SFMBT2: variants seen among roughly 807,000 people sequenced by gnomAD.
SFMBT2 encodes scm-like with four MBT domains protein 2.
SFMBT2 carries 38 observed loss-of-function variants against 110.1 expected under a neutral mutation model. The observed-to-expected ratio is 0.35, with a 90% CI of 0.27 to 0.45. The LOEUF (loss-of-function observed/expected upper bound fraction) is 0.45. SFMBT2 is among the 20% of genes least tolerant of loss of function. The pLI is 1.00. For missense variants in SFMBT2, 1,011 were observed against 1,094.9 expected (o/e 0.92, Z 1.08); for synonymous variants, 425 against 425.4 (o/e 1.00, Z 0.01).
chr10:7,200,489 C>T lies in SFMBT2; in HGVS notation c.1488-5G>A, dbSNP rs1838918229. On this transcript the variant is annotated splice_region_variant and splice_polypyrimidine_tract_variant and intron_variant, in intron 13 of 20. Coordinates refer to ENST00000397167, the MANE Select transcript of SFMBT2 (RefSeq NM_001387889.1). ...ACAGGCACTGTGGGCGGCAATCTGT[C>T]AACAGAGAAAATAAAACTATCAGGG... The T allele has an allele frequency of 1.3e-6, 2 of 1,594,470 alleles. No individual in the cohort carries two copies. The highest frequency in any genetic ancestry group is 1.7e-6 in the Non-Finnish European group (2 of 1,170,382).
At chr10:7,195,416 A>C (rs559292136) in intron 15 of SFMBT2, among the ~76,000 whole-genome samples, 309 of 152,260 alleles carry the variant, frequency 2.0e-3, no homozygotes, top group African/African-American at 7.2e-3. Flanking sequence ...TATGGAATCT[A>C]CTTGCCACTT....
chr10:7,369,895 T>C (rs1845015839), intron 3 of SFMBT2, among the ~76,000 whole-genome samples: 1 of 152,160 alleles, frequency 6.6e-6, no homozygotes, highest in African/African-American at 2.4e-5. Flanking sequence ...GGTTTCACTC[T>C]ATCACCCAGG....
chr10:7,398,211 G>T (rs759743675), intron 1 of SFMBT2, among the ~76,000 whole-genome samples: 2 of 152,188 alleles, frequency 1.3e-5, no homozygotes, highest in Non-Finnish European at 2.9e-5. Flanking sequence ...ATAACATTCA[G>T]TGTCTTCTAA....
chr10:7,344,116 G>T (rs1262674791), intron 4 of SFMBT2, among the ~76,000 whole-genome samples: 2 of 152,174 alleles, frequency 1.3e-5, no homozygotes, highest in Admixed American at 6.5e-5. Flanking sequence ...ATTTGTGCAT[G>T]CACAAGTCAG....
intron 16 of SFMBT2, among the ~76,000 whole-genome samples, chr10:7,177,175 CTCAAAT>C (rs1228506243): frequency 6.6e-6 from 1 of 152,182 alleles, no homozygotes; most frequent in Non-Finnish European, 1.5e-5. Flanking sequence ...TCCCCACAGA[CTCAAAT>C]CTTGATTGAG....
At chr10:7,280,457 G>C (rs973292493) in intron 6 of SFMBT2, among the ~76,000 whole-genome samples, 2 of 152,072 alleles carry the variant, frequency 1.3e-5, no homozygotes, top group Admixed American at 1.3e-4. Flanking sequence ...AATAGAGAAA[G>C]AAAAAGAAAC....
intron 11 of SFMBT2, among the ~76,000 whole-genome samples, chr10:7,214,162 C>G (rs148553637): frequency 6.6e-6 from 1 of 152,142 alleles, no homozygotes; most frequent in Non-Finnish European, 1.5e-5. Context: ...CAAGAAACAA[C>G]CAACCAAAGC....
At chr10:7,179,780 A>G (rs919970870) in intron 16 of SFMBT2, among the ~76,000 whole-genome samples, 1 of 152,258 alleles carries the variant, frequency 6.6e-6, no homozygotes, top group African/African-American at 2.4e-5. Flanking sequence ...TCTGGGGGAA[A>G]CAGAACCAGG....
At position 7,354,699 on chromosome 10, in the gene SFMBT2, C is replaced by T. The variant is rs537832747; in HGVS notation, c.436+12950G>A. 8.5e-5 allele frequency among the ~76,000 whole-genome samples: 13 copies of T among 152,280 alleles called. No individual in the cohort carries two copies. The South Asian group carries it at 2.1e-3, about 24-fold the overall frequency. On this transcript the variant is annotated intron_variant, in intron 4 of 20. Transcript: ENST00000397167. ...CAAGTGCAAATACAAATGTAGCTCA[C>T]GTAGCACATGTTTAAGATTTACAAG...
intron 7 of SFMBT2, among the ~76,000 whole-genome samples, chr10:7,253,825 C>CAAAAAAAA (rs3065776): frequency 7.5e-6 from 1 of 134,078 alleles, no homozygotes; most frequent in Non-Finnish European, 1.6e-5. Flanking sequence ...AATCAACAAC[C>CAAAAAAAA]AAAAAAAAAA....
At chr10:7,239,037 T>C (rs1395785341) in intron 9 of SFMBT2, among the ~76,000 whole-genome samples, 1 of 152,222 alleles carries the variant, frequency 6.6e-6, no homozygotes, top group Non-Finnish European at 1.5e-5. Context: ...GTATCCACTC[T>C]AGCTCACTTG....
intron 4 of SFMBT2, among the ~76,000 whole-genome samples, chr10:7,350,333 G>A (rs963500204): frequency 2.0e-5 from 3 of 152,036 alleles, no homozygotes; most frequent in Non-Finnish European, 2.9e-5. Flanking sequence ...CCATCCACAC[G>A]CTGGGACATT....
intron 4 of SFMBT2, among the ~76,000 whole-genome samples, chr10:7,309,369 C>A (rs995504224): frequency 1.3e-5 from 2 of 152,172 alleles, no homozygotes; most frequent in South Asian, 2.1e-4. Context: ...ACACATTGTC[C>A]AGGTCTGCTG....
Position 7,310,335 on chromosome 10 carries a change from T to C in SFMBT2, c.437-24381A>G, listed in dbSNP as rs779352218. Among the ~76,000 whole-genome samples, 67 of 152,308 alleles carry C rather than the reference T, an allele frequency of 4.4e-4. 1 individual carries two copies. The highest frequency in any genetic ancestry group is 9.4e-4 in the Non-Finnish European group (64 of 68,024). On this transcript the variant is annotated intron_variant, in intron 4 of 20. Transcript: ENST00000397167. ...TGAATGCCAGGCGCTGAGAACTCCA[T>C]GTCCCAAGATGCCGATTCCAACTGC...
intron 2 of SFMBT2, among the ~76,000 whole-genome samples, chr10:7,377,684 C>T (rs982455935): frequency 2.0e-5 from 3 of 152,110 alleles, no homozygotes; most frequent in Non-Finnish European, 4.4e-5. Flanking sequence ...GAATCTAATG[C>T]CGCTGCTGAT....
At chr10:7,178,040 A>G (rs759877496) in intron 16 of SFMBT2, among the ~76,000 whole-genome samples, 1 of 152,206 alleles carries the variant, frequency 6.6e-6, no homozygotes, top group African/African-American at 2.4e-5. Flanking sequence ...GAGCACTGAG[A>G]GAATAAACAT....
intron 4 of SFMBT2, among the ~76,000 whole-genome samples, chr10:7,290,609 G>A (rs1470332583): frequency 2.0e-5 from 3 of 152,202 alleles, no homozygotes; most frequent in Non-Finnish European, 2.9e-5. Flanking sequence ...GCTGAGGCAG[G>A]AGGATCTCTT....
intron 2 of SFMBT2, among the ~76,000 whole-genome samples, chr10:7,373,192 G>A (rs561566818): frequency 1.3e-5 from 2 of 152,144 alleles, no homozygotes; most frequent in South Asian, 2.1e-4. Flanking sequence ...GACTTCCCTC[G>A]AGAGTGGGTT....
At chr10:7,286,035 A>G (rs977890705) in intron 4 of SFMBT2, 81 bp from the exon 5 acceptor site, 2 of 739,610 alleles carry the variant, frequency 2.7e-6, no homozygotes, top group Non-Finnish European at 4.9e-6. Context: ...CAATCAACTT[A>G]AAATCACAGC....
Sources: gnomAD v4.1 joint callset for allele counts (sites outside exome capture counted in the v4.1 genomes callset) on GRCh38, gnomAD v4.1.1 for gene constraint, MANE v1.5 for transcripts, NCBI Gene and HGNC (gene_info 2026-07-23, HGNC 2026-07-21) for gene names.